Variants in SYNPR observed in about 807,000 individuals in gnomAD.
The protein encoded by SYNPR is synaptoporin.
SYNPR carries 23 observed loss-of-function variants against 32.9 expected under a neutral mutation model. The observed-to-expected ratio is 0.70, with a 90% CI of 0.50 to 0.99. SYNPR has a LOEUF of 0.99. Ranked by LOEUF, SYNPR falls within the 50% of genes least tolerant of loss-of-function variation. SYNPR has a pLI of 0.00. For missense variants in SYNPR, 318 were observed against 349.3 expected (o/e 0.91, Z 0.71); for synonymous variants, 146 against 135.9 (o/e 1.07, Z -0.52).
intron 2 of SYNPR, among the ~76,000 whole-genome samples, chr3:63,279,105 G>A (rs530078161): frequency 2.0e-5 from 3 of 152,260 alleles, no homozygotes; most frequent in South Asian, 4.1e-4. Context: ...GACCTTCGTG[G>A]GGATGAGGGG....
rs1433294256 is a variant in SYNPR, at chr3:63,403,471, TAG to T, written c.85-77352_85-77351del. Among the ~76,000 whole-genome samples the T allele has an allele frequency of 5.0e-3, 575 of 114,970 alleles. 2 individuals carry two copies. The highest frequency in any genetic ancestry group is 7.8e-3 in the Non-Finnish European group (412 of 52,918). 75.4% of individuals were successfully genotyped at this position (114,970 alleles called of 152,430 possible). On this transcript the variant is annotated intron_variant, in intron 2 of 5. Transcript: ENST00000478300. ...ACACACACACACACACACACACACATAGAGAGAGAGGATGAGACAGAGGCATA... is the reference window on the plus strand; with the variant it reads ...ACACACACACACACACACACACACATAGAGAGAGGATGAGACAGAGGCATA...
intron 3 of SYNPR, among the ~76,000 whole-genome samples, chr3:63,482,794 T>C (rs762137484): frequency 7.2e-5 from 11 of 152,308 alleles, no homozygotes; most frequent in East Asian, 1.9e-4. Context: ...ATTTGTATAT[T>C]TTAACATGTA....
chr3:63,479,341 T>G (rs2106694162), intron 2 of SYNPR, among the ~76,000 whole-genome samples: 1 of 152,270 alleles, frequency 6.6e-6, no homozygotes, highest in South Asian at 2.1e-4. Context: ...TTCCACATAT[T>G]AACACATTTT....
At chr3:63,532,342 C>A (rs1702127272) in intron 3 of SYNPR, among the ~76,000 whole-genome samples, 1 of 152,180 alleles carries the variant, frequency 6.6e-6, no homozygotes. Context: ...ATGAAAGAAG[C>A]ATTTCACACT....
chr3:63,411,737 G>C (rs950906319), intron 2 of SYNPR, among the ~76,000 whole-genome samples: 4 of 152,138 alleles, frequency 2.6e-5, no homozygotes, highest in Non-Finnish European at 5.9e-5. Flanking sequence ...TTGAAGTGAA[G>C]AGAAGAGGGA....
chr3:63,375,626 G>T (rs1025759630), intron 2 of SYNPR, among the ~76,000 whole-genome samples: 1 of 152,068 alleles, frequency 6.6e-6, no homozygotes, highest in African/African-American at 2.4e-5. Flanking sequence ...TATAAATGAC[G>T]AGTTGATGTG....
At chr3:63,239,831 T>C (rs2086228054) in intron 1 of SYNPR, among the ~76,000 whole-genome samples, 1 of 151,576 alleles carries the variant, frequency 6.6e-6, no homozygotes, top group Non-Finnish European at 1.5e-5. Flanking sequence ...ACACCCACCT[T>C]ACCATTGTCA....
intron 4 of SYNPR, among the ~76,000 whole-genome samples, chr3:63,605,205 A>G (rs1251149121): frequency 6.6e-6 from 1 of 152,336 alleles, no homozygotes; most frequent in East Asian, 1.9e-4. Context: ...GTACATTTTA[A>G]TTGCAGGGCT....
At chr3:63,311,818 T>C (rs1254905666) in intron 2 of SYNPR, among the ~76,000 whole-genome samples, 2 of 152,186 alleles carry the variant, frequency 1.3e-5, no homozygotes, top group South Asian at 2.1e-4. Flanking sequence ...ATATTAAACA[T>C]AGTCTTCTAT....
At chr3:63,520,451 G>C (rs1701886014) in intron 3 of SYNPR, among the ~76,000 whole-genome samples, 1 of 152,202 alleles carries the variant, frequency 6.6e-6, no homozygotes, top group Middle Eastern at 3.4e-3. Flanking sequence ...GAGGTGGGTG[G>C]ATCACGAGGT....
intron 4 of SYNPR, among the ~76,000 whole-genome samples, chr3:63,563,980 A>G (rs1407895363): frequency 4.8e-5 from 3 of 62,934 alleles, no homozygotes; most frequent in East Asian, 1.2e-3. Context: ...TATGGAAAAA[A>G]AAAAAAAAAA....
the SYNPR span, among the ~76,000 whole-genome samples, chr3:63,210,484 T>A: frequency 6.6e-6 from 1 of 152,240 alleles, no homozygotes; most frequent in Non-Finnish European, 1.5e-5. Flanking sequence ...ATTAGTTGCT[T>A]TAAATAATGT....
chr3:63,364,738 G>A (rs1436840093), intron 2 of SYNPR, among the ~76,000 whole-genome samples: 1 of 152,164 alleles, frequency 6.6e-6, no homozygotes, highest in African/African-American at 2.4e-5. Context: ...TTTAGGAGTG[G>A]ATCTGAGTCA....
At chr3:63,335,359 A>C (rs1455713142) in intron 2 of SYNPR, among the ~76,000 whole-genome samples, 1 of 151,664 alleles carries the variant, frequency 6.6e-6, no homozygotes, top group African/African-American at 2.4e-5. Flanking sequence ...TCTCAAAAAA[A>C]AAAAAAAAAA....
intron 2 of SYNPR, among the ~76,000 whole-genome samples, chr3:63,292,772 C>T (rs779240300): frequency 1.3e-5 from 2 of 152,228 alleles, no homozygotes; most frequent in Non-Finnish European, 2.9e-5. Flanking sequence ...CCAGTTATCT[C>T]TTAAATGTGC....
intron 2 of SYNPR, among the ~76,000 whole-genome samples, chr3:63,293,159 T>C (rs1223758154): frequency 6.6e-6 from 1 of 152,220 alleles, no homozygotes; most frequent in Non-Finnish European, 1.5e-5. Context: ...ATTACATACT[T>C]TCATTCAGAT....
intron 2 of SYNPR, among the ~76,000 whole-genome samples, chr3:63,408,229 GA>G (rs71126601): frequency 5.9e-4 from 26 of 43,956 alleles, no homozygotes; most frequent in South Asian, 1.7e-3. Context: ...AGGAAGGAAG[GA>G]AAGAAAGAAA....
chr3:63,426,163 A>G (rs1184378601), intron 2 of SYNPR, among the ~76,000 whole-genome samples: 1 of 152,210 alleles, frequency 6.6e-6, no homozygotes, highest in African/African-American at 2.4e-5. Context: ...CATTATGTGG[A>G]TGAAGATGAT....
At chr3:63,278,276 T>G, upstream of SYNPR, 1 of 495,928 alleles carries the variant, frequency 2.0e-6, no homozygotes, top group Non-Finnish European at 3.6e-6. Flanking sequence ...CCTCCCCTGT[T>G]GTATCTACCC....
Sources: allele counts gnomAD v4.1 joint callset (sites outside exome capture counted in the v4.1 genomes callset), GRCh38; gene constraint gnomAD v4.1.1; transcripts MANE v1.5; gene names NCBI Gene and HGNC (gene_info 2026-07-23, HGNC 2026-07-21).